MMP16: variants seen among roughly 807,000 people sequenced by gnomAD.
MMP16 encodes the protein matrix metalloproteinase-16.
A neutral mutation model predicts 67.8 loss-of-function variants in MMP16; 12 were observed. That is an observed-to-expected ratio of 0.18 (90% CI 0.11 to 0.29). MMP16 has a LOEUF of 0.29. Ranked by LOEUF, MMP16 falls within the 10% of genes least tolerant of loss-of-function variation. The pLI is 1.00. For synonymous variants in MMP16, 249 were observed against 255.9 expected (o/e 0.97, Z 0.26); for missense variants, 475 against 765.7 (o/e 0.62, Z 4.48).
intron 4 of MMP16, among the ~76,000 whole-genome samples, chr8:88,129,259 T>A (rs1563540143): frequency 6.6e-6 from 1 of 151,800 alleles, no homozygotes; most frequent in Non-Finnish European, 1.5e-5. Context: ...TTTTAGTTGT[T>A]TTCCAAATTT....
chr8:88,306,008 T>A (rs1045832455), intron 1 of MMP16, among the ~76,000 whole-genome samples: 14 of 150,918 alleles, frequency 9.3e-5, no homozygotes, highest in Admixed American at 3.3e-4. Flanking sequence ...GGTGTTTTTT[T>A]TTTTGAAAAA....
chr8:88,198,519 C>T (rs908341801), intron 1 of MMP16, among the ~76,000 whole-genome samples: 3 of 152,014 alleles, frequency 2.0e-5, no homozygotes, highest in Non-Finnish European at 2.9e-5. Flanking sequence ...TGAACTTCAA[C>T]GTCTAAAACA....
At chr8:88,214,936 GA>G (rs1329661269) in intron 1 of MMP16, among the ~76,000 whole-genome samples, 1 of 152,158 alleles carries the variant, frequency 6.6e-6, no homozygotes, top group Non-Finnish European at 1.5e-5. Flanking sequence ...CTCCTTCAGT[GA>G]AGGAACTATC....
At chr8:88,230,892 A>AC (rs1426302737) in intron 1 of MMP16, among the ~76,000 whole-genome samples, 2 of 152,040 alleles carry the variant, frequency 1.3e-5, no homozygotes, top group Non-Finnish European at 2.9e-5. Context: ...AAATCTTAGA[A>AC]CTCAGCAATG....
At chr8:88,095,637 T>A (rs1340785032) in intron 6 of MMP16, among the ~76,000 whole-genome samples, 1 of 151,724 alleles carries the variant, frequency 6.6e-6, no homozygotes, top group Non-Finnish European at 1.5e-5. Flanking sequence ...GTAAAGTGAG[T>A]TTTTGCTCTC....
At chr8:88,274,145 G>A (rs976909453) in intron 1 of MMP16, among the ~76,000 whole-genome samples, 7 of 152,038 alleles carry the variant, frequency 4.6e-5, no homozygotes, top group African/African-American at 7.2e-5. Flanking sequence ...GATTTATGAC[G>A]ATGAATTTAA....
intron 6 of MMP16, among the ~76,000 whole-genome samples, chr8:88,106,647 T>G (rs2118397315): frequency 6.6e-6 from 1 of 151,438 alleles, no homozygotes; most frequent in Non-Finnish European, 1.5e-5. Flanking sequence ...AACCTTTGAC[T>G]TTTGTCAGAA....
At position 88,056,184 on chromosome 8, in the gene MMP16, A is replaced by G; in HGVS notation, c.1317T>C (p.Ile439=). ...TLGSGIPPHG[I]DSAIWWEDVG... Reference sequence around the variant, plus strand: ...CGTCCTCCCACCAAATGGCTGAATCAATACCATGAGGGGGAATTCCACTTC... The same window carrying G: ...CGTCCTCCCACCAAATGGCTGAATCGATACCATGAGGGGGAATTCCACTTC... The change falls in exon 8 of 10, where the codon ATT becomes ATC. Residue 439 remains isoleucine, a synonymous_variant. Coordinates refer to ENST00000286614, the MANE Select transcript of MMP16 (RefSeq NM_005941.5). 1 of 1,597,366 alleles carries G rather than the reference A, an allele frequency of 6.3e-7. No homozygotes were observed. The highest frequency in any genetic ancestry group is 8.5e-7 in the Non-Finnish European group (1 of 1,170,526).
Position 88,123,456 on chromosome 8 carries a change from A to AT in MMP16, c.710-4596dup, listed in dbSNP as rs1807874932. Among the ~76,000 whole-genome samples the AT allele has an allele frequency of 2.0e-5, 3 of 150,030 alleles. No homozygotes were observed. The South Asian group carries it at 6.3e-4, about 32-fold the overall frequency. On this transcript the variant is annotated intron_variant, in intron 4 of 9. Coordinates refer to ENST00000286614, the MANE Select transcript of MMP16 (RefSeq NM_005941.5). ...TTGATACTTTTGTTGTACCTATGCT[A>AT]TTACTCTCTTTGCACTTCGCTGAAA... is the stretch of plus-strand genomic sequence containing the variant.
chr8:88,286,807 G>A (rs577281100), intron 1 of MMP16, among the ~76,000 whole-genome samples: 4 of 151,976 alleles, frequency 2.6e-5, no homozygotes, highest in Admixed American at 6.6e-5. Context: ...TCCTGACCTC[G>A]TGATCTGCCC....
At chr8:88,254,583 G>C (rs1471997887) in intron 1 of MMP16, among the ~76,000 whole-genome samples, 1 of 151,986 alleles carries the variant, frequency 6.6e-6, no homozygotes, top group African/African-American at 2.4e-5. Flanking sequence ...CCACTAGTTT[G>C]TATTTTATTT....
chr8:88,220,786 C>T (rs1563566106), intron 1 of MMP16, among the ~76,000 whole-genome samples: 1 of 152,104 alleles, frequency 6.6e-6, no homozygotes, highest in Non-Finnish European at 1.5e-5. Flanking sequence ...TCCACCCAAA[C>T]TATTGTCCAG....
rs1308771122 is a variant in MMP16, at chr8:88,037,118, A to G, written c.*4343T>C. On this transcript the variant is annotated 3_prime_UTR_variant, in exon 10 of 10. Coordinates refer to ENST00000286614, the MANE Select transcript of MMP16 (RefSeq NM_005941.5). ...CAAAGTGTGGGCGTGTATGTGTACC[A>G]TACTAGATATATTAGCATAACATGT... is the stretch of plus-strand genomic sequence containing the variant. 6.7e-6 allele frequency: 1 copy of G among 150,184 alleles called. No homozygotes were observed. Among genetic ancestry groups the G allele is most frequent in the African/African-American group, 2.4e-5 (1 of 40,864 alleles). The allele number at this position is 150,184 out of a possible 1,614,324, so 9.3% of individuals were successfully genotyped here.
chr8:88,226,744 C>T (rs1336412856), intron 1 of MMP16, among the ~76,000 whole-genome samples: 6 of 151,998 alleles, frequency 3.9e-5, no homozygotes, highest in Non-Finnish European at 5.9e-5. Flanking sequence ...TCCGAGAGTG[C>T]TGACCAGGGT....
intron 4 of MMP16, among the ~76,000 whole-genome samples, chr8:88,121,468 T>G (rs553653619): frequency 7.2e-4 from 110 of 152,172 alleles, no homozygotes; most frequent in African/African-American, 2.5e-3. Context: ...GCCCTGTGAT[T>G]TGAATTCCAC....
intron 1 of MMP16, among the ~76,000 whole-genome samples, chr8:88,268,106 G>A (rs576118306): frequency 6.6e-6 from 1 of 152,300 alleles, no homozygotes; most frequent in East Asian, 1.9e-4. Flanking sequence ...ATTTTGGGAG[G>A]CCAAGGTGGG....
At chr8:88,123,543 G>C (rs1314688623) in intron 4 of MMP16, among the ~76,000 whole-genome samples, 1 of 151,778 alleles carries the variant, frequency 6.6e-6, no homozygotes, top group Non-Finnish European at 1.5e-5. Flanking sequence ...AGAGAAGTCT[G>C]ACAGACGGGT....
rs552548282 is a variant in MMP16, at chr8:88,184,664, T to C, written c.404+1812A>G. ...CAACGGGCTAAGGCAGGAGGATCCC[T>C]TGAGCCTGGGAGGCAGAGTTTGTAG... On this transcript the variant is annotated intron_variant, in intron 3 of 9. Coordinates refer to ENST00000286614, the MANE Select transcript of MMP16 (RefSeq NM_005941.5). Among the ~76,000 whole-genome samples the C allele has an allele frequency of 1.3e-4, 17 of 133,772 alleles. No individual in the cohort carries two copies. In the East Asian group the frequency reaches 3.8e-3, roughly 30 times the overall value. The allele number at this position is 133,772 out of a possible 152,430, so 87.8% of individuals were successfully genotyped here.
intron 7 of MMP16, among the ~76,000 whole-genome samples, chr8:88,072,808 T>G (rs544491076): frequency 3.3e-5 from 5 of 152,154 alleles, no homozygotes; most frequent in Non-Finnish European, 7.3e-5. Flanking sequence ...TGTGGGTAAT[T>G]TCAATTCTTT....
Sources: gnomAD v4.1 joint callset for allele counts (sites outside exome capture counted in the v4.1 genomes callset) on GRCh38, gnomAD v4.1.1 for gene constraint, MANE v1.5 for transcripts, NCBI Gene and HGNC (gene_info 2026-07-23, HGNC 2026-07-21) for gene names.